Variants in HMGCS2 observed in about 807,000 individuals in gnomAD.
HMGCS2 encodes the protein 3-hydroxy-3-methylglutaryl-CoA synthase 2, also known as hydroxymethylglutaryl-CoA synthase, mitochondrial.
HMGCS2 carries 50 observed loss-of-function variants against 57.4 expected under a neutral mutation model. That is an observed-to-expected ratio of 0.87 (90% CI 0.69 to 1.10). HMGCS2 has a LOEUF of 1.10. Ranked by LOEUF, HMGCS2 falls within the 50% of genes least tolerant of loss-of-function variation. The probability of loss-of-function intolerance (pLI) is 0.00; values close to 1 mark genes in which losing one functional copy is unlikely to be tolerated. For synonymous variants in HMGCS2, 254 were observed against 245.1 expected (o/e 1.04, Z -0.34); for missense variants, 627 against 636.5 (o/e 0.99, Z 0.16).
At chr1:119,752,278 T>G (rs1652685286) in intron 8 of HMGCS2, among the ~76,000 whole-genome samples, 2 of 152,196 alleles carry the variant, frequency 1.3e-5, no homozygotes, top group Non-Finnish European at 2.9e-5. Flanking sequence ...AAGACTATAC[T>G]TCTGGCTTCC....
At chr1:119,763,021 G>T (rs992265742) in intron 2 of HMGCS2, among the ~76,000 whole-genome samples, 1 of 152,106 alleles carries the variant, frequency 6.6e-6, no homozygotes, top group Non-Finnish European at 1.5e-5. Context: ...TTACTAGAGA[G>T]GTAGTAATAC....
At chr1:119,753,464 T>G (rs1652732070) in intron 6 of HMGCS2, 78 bp from the exon 7 acceptor site, 1 of 766,028 alleles carries the variant, frequency 1.3e-6, no homozygotes, top group Non-Finnish European at 2.3e-6. Flanking sequence ...TATATATATA[T>G]TATATTCTGC....
intron 1 of HMGCS2, among the ~76,000 whole-genome samples, chr1:119,768,520 A>G (rs999947682): frequency 6.6e-6 from 1 of 152,130 alleles, no homozygotes; most frequent in Admixed American, 6.5e-5. Flanking sequence ...GCTCACAAAC[A>G]CAGCATGTGT....
At chr1:119,751,018 G>A in intron 8 of HMGCS2, 110 bp from the exon 9 acceptor site, 1 of 722,102 alleles carries the variant, frequency 1.4e-6, no homozygotes, top group Non-Finnish European at 2.5e-6. Flanking sequence ...TCTTGGCTGG[G>A]CTGTAAGGGG....
chr1:119,762,286 T>C (rs587613569), intron 2 of HMGCS2, among the ~76,000 whole-genome samples: 2 of 152,340 alleles, frequency 1.3e-5, no homozygotes, highest in South Asian at 4.1e-4. Context: ...GATATGTGTA[T>C]ACTTGCAGGT....
At chr1:119,758,699 A>T (rs914840913) in intron 4 of HMGCS2, among the ~76,000 whole-genome samples, 1 of 152,248 alleles carries the variant, frequency 6.6e-6, no homozygotes, top group African/African-American at 2.4e-5. Flanking sequence ...CATATAGAAA[A>T]TATAGGTATG....
chr1:119,765,622 G>A (rs587669474), intron 1 of HMGCS2, among the ~76,000 whole-genome samples: 63 of 152,214 alleles, frequency 4.1e-4, no homozygotes, highest in Non-Finnish European at 5.9e-4. Context: ...ACTTTAGGTT[G>A]ACTTTATTTA....
At position 119,759,845 on chromosome 1, in the gene HMGCS2, G is replaced by A. The variant is rs2101263634; in HGVS notation, c.685+19C>T. ...TGGCTATGCCATGCACAGCCTCTTG[G>A]TAATGGATTACTACAAACCTCGCTC... is the stretch of plus-strand genomic sequence containing the variant. On this transcript the variant is annotated intron_variant, in intron 3 of 9. Transcript: ENST00000369406. The A allele has an allele frequency of 6.2e-7, 1 of 1,613,810 alleles. No individual in the cohort carries two copies. Among genetic ancestry groups the A allele is most frequent in the Non-Finnish European group, 8.5e-7 (1 of 1,179,814 alleles).
intron 4 of HMGCS2, among the ~76,000 whole-genome samples, chr1:119,758,533 C>T (rs1026262201): frequency 2.0e-5 from 3 of 152,194 alleles, no homozygotes; most frequent in Non-Finnish European, 4.4e-5. Context: ...CCACCACTCC[C>T]TGCTTTTCTG....
chr1:119,753,389 G>A lies in HMGCS2; in HGVS notation c.1188-3C>T. 6.5e-7 allele frequency: 1 copy of A among 1,547,302 alleles called. No individual in the cohort carries two copies. The highest frequency in any genetic ancestry group is 8.9e-7 in the Non-Finnish European group (1 of 1,120,482). ...CAGCCAGTTCTTGGGCAGAGTGGCT[G>A]TGGGGAAAGAAATCAAATAAAACAC... is the stretch of plus-strand genomic sequence containing the variant. On this transcript the variant is annotated splice_region_variant and splice_polypyrimidine_tract_variant and intron_variant, in intron 6 of 9. Transcript: ENST00000369406.
At chr1:119,763,676 C>G (rs587646748) in intron 2 of HMGCS2, among the ~76,000 whole-genome samples, 38 of 152,268 alleles carry the variant, frequency 2.5e-4, no homozygotes, top group Non-Finnish European at 3.2e-4. Flanking sequence ...AAGGAGCCAC[C>G]TAAGGGAGAA....
chr1:119,752,712 T>G, intron 7 of HMGCS2, 38 bp from the exon 8 acceptor site: 1 of 1,612,544 alleles, frequency 6.2e-7, no homozygotes, highest in Non-Finnish European at 8.5e-7. Context: ...CCTTTTTCAT[T>G]GTCATTATCA....
At chr1:119,758,472 A>G (rs1400621429) in intron 4 of HMGCS2, among the ~76,000 whole-genome samples, 1 of 152,122 alleles carries the variant, frequency 6.6e-6, no homozygotes, top group Non-Finnish European at 1.5e-5. Flanking sequence ...TCCTGGGTTC[A>G]AGCAATCCTC....
Position 119,752,762 on chromosome 1 carries a change from T to C in HMGCS2, c.1295-88A>G. The C allele has an allele frequency of 2.0e-6, 3 of 1,497,602 alleles. No individual in the cohort carries two copies. The South Asian group carries it at 3.4e-5, about 17-fold the overall frequency. The allele number at this position is 1,497,602 out of a possible 1,614,324, so 92.8% of individuals were successfully genotyped here. ...GAGTTCAACAGAGAGCCAGGTTCTG[T>C]GGGAGGTTACACCCTGGAGGAACGT... On this transcript the variant is annotated intron_variant, in intron 7 of 9. Transcript: ENST00000369406.
In HMGCS2 at chr1:119,755,564, C is replaced by T; in HGVS notation, c.1050G>A (p.Lys350=). ...GLKLEDTYTN[K]DLDKALLKAS... ...CCTTTAGAAGTGCTTTATCCAGGTC[C>T]TTGTTGGTGTAGGTGTCTTCCAGCT... The change falls in exon 6 of 10, where the codon AAG becomes AAA. Residue 350 remains lysine, a synonymous_variant. Coordinates refer to ENST00000369406, the MANE Select transcript of HMGCS2 (RefSeq NM_005518.4). 1.9e-6 allele frequency: 3 copies of T among 1,614,106 alleles called. No individual in the cohort carries two copies. Among genetic ancestry groups the T allele is most frequent in the Non-Finnish European group, 2.5e-6 (3 of 1,180,028 alleles).
intron 7 of HMGCS2, 47 bp downstream of exon 7, chr1:119,753,233 A>G (rs142963165): frequency 8.8e-7 from 1 of 1,130,504 alleles, no homozygotes; most frequent in Non-Finnish European, 1.3e-6. Context: ...TGGTTATTCT[A>G]CCAGATGAAT....
intron 9 of HMGCS2, among the ~76,000 whole-genome samples, chr1:119,749,416 A>T (rs587610643): frequency 1.0e-5 from 1 of 99,830 alleles, no homozygotes; most frequent in Non-Finnish European, 2.0e-5. Flanking sequence ...TATTTCTCCC[A>T]CTCTTCTTCT....
At position 119,764,397 on chromosome 1, in the gene HMGCS2, G is replaced by T. The variant is rs768707273; in HGVS notation, c.334C>A (p.Arg112=). The change falls in exon 2 of 10, where the codon CGG becomes AGG. Residue 112 remains arginine, a synonymous_variant. Coordinates refer to ENST00000369406, the MANE Select transcript of HMGCS2 (RefSeq NM_005518.4). ...INSLCLTVVQ[R]LMERIQLPWD... is the part of the protein sequence containing the mutation. The stretch of plus-strand genomic sequence containing the variant: ...GGGAGCTGTATGCGCTCCATCAGCC[G>T]TTGCACCACCGTCAGGCACAGGGAG... 1.2e-6 allele frequency: 2 copies of T among 1,614,208 alleles called. No homozygotes were observed. The highest frequency in any genetic ancestry group is 8.5e-7 in the Non-Finnish European group (1 of 1,180,030).
chr1:119,750,049 G>T (rs1652598020), intron 9 of HMGCS2, among the ~76,000 whole-genome samples: 1 of 151,764 alleles, frequency 6.6e-6, no homozygotes, highest in African/African-American at 2.4e-5. Context: ...CTTTCACCTT[G>T]CTCTCTTCTC....
Sources: gnomAD v4.1 joint callset for allele counts (sites outside exome capture counted in the v4.1 genomes callset) on GRCh38, gnomAD v4.1.1 for gene constraint, MANE v1.5 for transcripts, NCBI Gene and HGNC (gene_info 2026-07-23, HGNC 2026-07-21) for gene names.